MYH11: variants seen among roughly 807,000 people sequenced by gnomAD.
The protein encoded by MYH11 is myosin-11.
MYH11 carries 80 observed loss-of-function variants against 246.6 expected under a neutral mutation model. The ratio of observed to expected loss-of-function variants is 0.32; its 90% CI spans 0.27 to 0.39. The LOEUF (loss-of-function observed/expected upper bound fraction) is 0.39, where lower values mean the gene tolerates loss of function less well. MYH11 is among the 10% of genes least tolerant of loss of function. The pLI, the probability that MYH11 is intolerant of heterozygous loss-of-function variation, is 1.00. For missense variants in MYH11, 2,158 were observed against 2,546.8 expected (o/e 0.85, Z 3.29); for synonymous variants, 1,071 against 1,015.5 (o/e 1.05, Z -1.04).
chr16:15,798,906 T>C (rs931147585), intron 3 of MYH11, among the ~76,000 whole-genome samples: 1 of 152,140 alleles, frequency 6.6e-6, no homozygotes, highest in Admixed American at 6.5e-5. Flanking sequence ...CCCAGAAAGA[T>C]GCTGGAGCCT....
At chr16:15,759,515 C>T (rs2041816855) in intron 12 of MYH11, 61 bp downstream of exon 12, 5 of 1,611,784 alleles carry the variant, frequency 3.1e-6, no homozygotes, top group Middle Eastern at 1.6e-4. Context: ...ATGACTCCTC[C>T]AAGAAAAAGC....
chr16:15,850,227 A>G (rs149604366), intron 1 of MYH11, among the ~76,000 whole-genome samples: 2,377 of 152,216 alleles, frequency 0.016, 64 homozygotes, highest in African/African-American at 0.051. Flanking sequence ...TCTACTAAAA[A>G]TACAAAAAAT....
At chr16:15,846,146 TG>T (rs1346471889) in intron 1 of MYH11, among the ~76,000 whole-genome samples, 1 of 152,106 alleles carries the variant, frequency 6.6e-6, no homozygotes, top group Non-Finnish European at 1.5e-5. Context: ...GGTCTCATTC[TG>T]GAGTCTATTT....
chr16:15,739,972 C>T (rs568327681), intron 23 of MYH11, 79 bp downstream of exon 23: 2 of 1,494,482 alleles, frequency 1.3e-6, no homozygotes, highest in East Asian at 4.5e-5. Context: ...AAACTCCTGG[C>T]CTCAAGTGAT....
In MYH11 at chr16:15,724,986, C is replaced by G. The variant is rs1264354643; in HGVS notation, c.3865G>C (p.Val1289Leu). 2 of 1,613,796 alleles carry G rather than the reference C, an allele frequency of 1.2e-6. No individual in the cohort carries two copies. Among genetic ancestry groups the G allele is most frequent in the Non-Finnish European group, 1.7e-6 (2 of 1,179,988 alleles). The change falls in exon 29 of 41, where the codon GTT becomes CTT. Residue 1289 changes from valine (V) to leucine (L), a missense_variant. Val to Leu is a conservative substitution (Grantham distance 32). Around this residue, in one of 11 missense-constraint regions of MYH11, gnomAD observed 1,013 missense variants for 993.5 expected, o/e 1.02. Coordinates refer to ENST00000300036, the MANE Select transcript of MYH11 (RefSeq NM_002474.3). ...NDKVHKLQNEVESVTGMLNEA... is the reference protein window; with the variant it reads ...NDKVHKLQNELESVTGMLNEA... ...TTAAGCATCCCTGTGACGCTCTCAA[C>G]TTCATTCTAAGGGTGCCAAGAGACT... is the stretch of plus-strand genomic sequence containing the variant.
At chr16:15,716,524 G>T (rs2242548) in intron 38 of MYH11, among the ~76,000 whole-genome samples, 52,706 of 150,742 alleles carry the variant, frequency 0.35, 9,618 homozygotes, top group African/African-American at 0.46. Flanking sequence ...GGTTTTTTTT[G>T]TGTGTGTGTA....
chr16:15,834,642 G>A (rs1334739634), intron 2 of MYH11, among the ~76,000 whole-genome samples: 1 of 151,954 alleles, frequency 6.6e-6, no homozygotes, highest in African/African-American at 2.4e-5. Flanking sequence ...CCCTACTTAA[G>A]AAAGTAAAGA....
chr16:15,782,371 G>A lies in MYH11; in HGVS notation c.726+14C>T. The A allele has an allele frequency of 6.2e-7, 1 of 1,611,118 alleles. No individual in the cohort carries two copies. The highest frequency in any genetic ancestry group is 8.5e-7 in the Non-Finnish European group (1 of 1,177,316). On this transcript the variant is annotated intron_variant, in intron 6 of 40. Coordinates refer to ENST00000300036, the MANE Select transcript of MYH11 (RefSeq NM_002474.3). ...AAAGCTTTTCTGGAAAATCCATGTGGCTTTGCTACTTACGAATCGTGAGGA... is the reference window on the plus strand; with the variant it reads ...AAAGCTTTTCTGGAAAATCCATGTGACTTTGCTACTTACGAATCGTGAGGA...
chr16:15,782,811 C>T, intron 5 of MYH11: 2 of 353,436 alleles, frequency 5.7e-6, no homozygotes, highest in South Asian at 5.1e-5. Flanking sequence ...GAATGGTGCC[C>T]CCCGGAGTTG....
chr16:15,734,013 C>G (rs961357288), intron 26 of MYH11, among the ~76,000 whole-genome samples: 4 of 152,156 alleles, frequency 2.6e-5, no homozygotes, highest in Admixed American at 6.6e-5. Flanking sequence ...ATGCCAACAC[C>G]ACAGATTGCA....
At chr16:15,724,044 C>A (rs1399799746) in intron 31 of MYH11, 117 bp downstream of exon 31, 11 of 1,546,990 alleles carry the variant, frequency 7.1e-6, no homozygotes, top group Non-Finnish European at 9.7e-6. Context: ...TCCCATGGCT[C>A]CCCACAGAGT....
intron 3 of MYH11, among the ~76,000 whole-genome samples, chr16:15,813,953 G>A (rs868843610): frequency 7.4e-5 from 11 of 149,444 alleles, no homozygotes; most frequent in African/African-American, 1.2e-4. Flanking sequence ...TCAGGAGCTC[G>A]AGACGAGCCT....
At chr16:15,851,835 AC>A (rs2044337159) in intron 1 of MYH11, among the ~76,000 whole-genome samples, 1 of 152,168 alleles carries the variant, frequency 6.6e-6, no homozygotes, top group Non-Finnish European at 1.5e-5. Context: ...GGCAAGAGTT[AC>A]GGTAGCCCCT....
intron 5 of MYH11, 169 bp downstream of exon 5, chr16:15,786,461 C>T (rs755871785): frequency 4.4e-5 from 35 of 791,264 alleles, no homozygotes; most frequent in African/African-American, 4.2e-4. Context: ...ATCACCCACA[C>T]TCAACAGGCC....
At position 15,760,606 on chromosome 16, in the gene MYH11, T is replaced by A; in HGVS notation, c.1182A>T (p.Arg394Ser). ...CCTTGATACGAGGAGTGAGGATGGA[T>A]CTGGTGAAATCTGTCACATTAATTC... ...LMGINVTDFTRSILTPRIKVG... is the reference protein window; with the variant it reads ...LMGINVTDFTSSILTPRIKVG... The change falls in exon 11 of 41, where the codon AGA (arginine) becomes AGT (serine). Residue 394 changes from arginine (R) to serine (S), a missense_variant. Transcript: ENST00000300036. 1.2e-6 allele frequency: 2 copies of A among 1,614,192 alleles called. No homozygotes were observed. Among genetic ancestry groups the A allele is most frequent in the Non-Finnish European group, 1.7e-6 (2 of 1,180,030 alleles).
Position 15,703,843 on chromosome 16 carries a change from G to C in MYH11, c.*148C>G. The C allele has an allele frequency of 9.0e-7, 1 of 1,109,642 alleles. No homozygotes were observed. The allele number at this position is 1,109,642 out of a possible 1,614,324, so 68.7% of individuals were successfully genotyped here. ...TATATTCCTTGTGTGAGGGGTGTCT[G>C]TGATATTTGGAATTTGAGAATGGAT... On this transcript the variant is annotated 3_prime_UTR_variant, in exon 41 of 41. Transcript: ENST00000300036.
At chr16:15,856,652 C>G (rs1490078328) in intron 1 of MYH11, among the ~76,000 whole-genome samples, 1 of 151,260 alleles carries the variant, frequency 6.6e-6, no homozygotes, top group African/African-American at 2.4e-5. Context: ...TCTGGGGATT[C>G]TAGAGTTGGG....
chr16:15,800,956 A>C (rs1309547384), intron 3 of MYH11, among the ~76,000 whole-genome samples: 1 of 152,106 alleles, frequency 6.6e-6, no homozygotes, highest in Non-Finnish European at 1.5e-5. Flanking sequence ...CTGTAATCTC[A>C]CCACTTTGGG....
chr16:15,831,925 G>A (rs142783292), intron 2 of MYH11, among the ~76,000 whole-genome samples: 2 of 151,710 alleles, frequency 1.3e-5, no homozygotes, highest in Non-Finnish European at 2.9e-5. Flanking sequence ...GTGACAGAGC[G>A]AGACTCCATG....
Sources: gnomAD v4.1 joint callset for allele counts (sites outside exome capture counted in the v4.1 genomes callset) on GRCh38, gnomAD v4.1.1 for gene constraint, gnomAD v4.1.1 regional missense constraint, MANE v1.5 for transcripts, NCBI Gene and HGNC (gene_info 2026-07-23, HGNC 2026-07-21) for gene names.